Variants in GARS1 observed in about 807,000 individuals in gnomAD.
GARS1 encodes the protein glycyl-tRNA synthetase 1.
Under a neutral mutation model 86.4 loss-of-function variants are expected in GARS1, and 46 were observed. The ratio of observed to expected loss-of-function variants is 0.53; its 90% CI spans 0.42 to 0.68. The LOEUF (loss-of-function observed/expected upper bound fraction) is 0.68, where lower values mean the gene tolerates loss of function less well. GARS1 is among the 30% of genes least tolerant of loss of function. GARS1 has a pLI of 0.00. For synonymous variants in GARS1, 342 were observed against 329.8 expected (o/e 1.04, Z -0.40); for missense variants, 797 against 915.6 (o/e 0.87, Z 1.67).
chr7:30,614,117 T>C (rs2128134248), intron 8 of GARS1: 2 of 152,328 alleles, frequency 1.3e-5, no homozygotes, highest in Non-Finnish European at 1.5e-5. Flanking sequence ...GTAAATTTTG[T>C]ATGATTTGTA....
chr7:30,605,580 C>T (rs963918922), intron 6 of GARS1, among the ~76,000 whole-genome samples: 3 of 152,250 alleles, frequency 2.0e-5, no homozygotes, highest in East Asian at 1.9e-4. Flanking sequence ...TGGAGGGGCA[C>T]GAACATGGCT....
At chr7:30,594,833 T>G, upstream of GARS1, 3 of 1,168,614 alleles carry the variant, frequency 2.6e-6, no homozygotes, top group Non-Finnish European at 3.6e-6. Flanking sequence ...CGCCGCGTCG[T>G]TTACGCGGCG....
chr7:30,616,818 T>C (rs1782898120), intron 9 of GARS1, among the ~76,000 whole-genome samples: 1 of 152,234 alleles, frequency 6.6e-6, no homozygotes, highest in Admixed American at 6.5e-5. Context: ...ATATTGTTTT[T>C]AGTACTGTAG....
chr7:30,622,604 G>A (rs571457223), intron 12 of GARS1, 142 bp downstream of exon 12: 4 of 995,108 alleles, frequency 4.0e-6, no homozygotes, highest in Non-Finnish European at 6.2e-6. Flanking sequence ...TGTCTTTGCC[G>A]AGATTTTGGC....
At chr7:30,627,096 C>T (rs750442682) in intron 13 of GARS1, 12 of 462,838 alleles carry the variant, frequency 2.6e-5, no homozygotes, top group Middle Eastern at 3.3e-4. Flanking sequence ...ATTTGGAGCA[C>T]GTATGAAGGA....
chr7:30,628,492 T>G, intron 13 of GARS1, 68 bp from the exon 14 acceptor site: 15 of 1,208,642 alleles, frequency 1.2e-5, no homozygotes, highest in Non-Finnish European at 1.8e-5. Context: ...GTGAATTGTT[T>G]AGAGAGAATC....
In GARS1 at chr7:30,633,770, C is replaced by G. The variant is rs185294324; in HGVS notation, c.2130C>G (p.Ala710=). The G allele has an allele frequency of 6.2e-7, 1 of 1,613,924 alleles. No individual in the cohort carries two copies. The highest frequency in any genetic ancestry group is 1.3e-5 in the African/African-American group (1 of 74,998). Residue 710 remains alanine, a synonymous_variant, in exon 17 of 17, where the codon GCC becomes GCG. Coordinates refer to ENST00000389266, the MANE Select transcript of GARS1 (RefSeq NM_002047.4). ...TGCCCAGCATAGTCCAAGACCTAGC[C>G]AATGGCAACATCACATGGGCTGATG... ...SELPSIVQDL[A]NGNITWADVE...
At chr7:30,621,796 C>T in intron 11 of GARS1, 2 of 478,484 alleles carry the variant, frequency 4.2e-6, no homozygotes, top group Middle Eastern at 1.1e-3. Context: ...AAACGCACTT[C>T]ACACCTGCAC....
In GARS1 at chr7:30,600,919, G is replaced by GGTTCT. The variant is rs1224274294; in HGVS notation, c.428-139_428-135dup. On this transcript the variant is annotated intron_variant, in intron 3 of 16. Coordinates refer to ENST00000389266, the MANE Select transcript of GARS1 (RefSeq NM_002047.4). Reference sequence around the variant, plus strand: ...ACTTCCATCAGCTAGCTGAAAGTAAGGTTCTTCAGTATTGAGGGATTTGCA... The same window carrying GGTTCT: ...ACTTCCATCAGCTAGCTGAAAGTAAGGTTCTGTTCTTCAGTATTGAGGGATTTGCA... The GGTTCT allele has an allele frequency of 4.6e-5, 33 of 713,412 alleles. No individual in the cohort carries two copies. In the South Asian group the frequency reaches 5.4e-4, roughly 12 times the overall value. 44.2% of individuals were successfully genotyped at this position (713,412 alleles called of 1,614,324 possible). A position where few individuals can be genotyped will look rare whatever the true frequency, so the allele number is the denominator to read the frequency against.
intron 12 of GARS1, among the ~76,000 whole-genome samples, chr7:30,625,068 G>A (rs1273427871): frequency 6.6e-6 from 1 of 152,006 alleles, no homozygotes; most frequent in Admixed American, 6.6e-5. Context: ...TCAGCCTCCC[G>A]AGTAGCTGGG....
intron 13 of GARS1, among the ~76,000 whole-genome samples, chr7:30,626,660 T>G (rs2128135647): frequency 6.6e-6 from 1 of 152,316 alleles, no homozygotes; most frequent in African/African-American, 2.4e-5. Context: ...CCTCATTCCC[T>G]GTCTTCTTTG....
chr7:30,620,805 G>A (rs1782988467), intron 10 of GARS1, among the ~76,000 whole-genome samples: 1 of 152,152 alleles, frequency 6.6e-6, no homozygotes, highest in East Asian at 1.9e-4. Flanking sequence ...TGTTTAGTCA[G>A]CCATCTGATA....
At chr7:30,602,225 A>T (rs1187554885) in intron 4 of GARS1, among the ~76,000 whole-genome samples, 1 of 151,632 alleles carries the variant, frequency 6.6e-6, no homozygotes, top group Non-Finnish European at 1.5e-5. Flanking sequence ...AGCAGCTGGG[A>T]CTACAGGCAC....
chr7:30,614,012 C>T (rs1186652397), intron 8 of GARS1, among the ~76,000 whole-genome samples: 1 of 152,080 alleles, frequency 6.6e-6, no homozygotes, highest in Non-Finnish European at 1.5e-5. Context: ...TATTTTAGTT[C>T]TCTACAGTTT....
chr7:30,601,280 A>T lies in GARS1; in HGVS notation c.569+80A>T. 3.2e-6 allele frequency: 4 copies of T among 1,261,400 alleles called. No homozygotes were observed. The South Asian group carries it at 6.0e-5, about 19-fold the overall frequency. The allele number at this position is 1,261,400 out of a possible 1,614,324, so 78.1% of individuals were successfully genotyped here. A position where few individuals can be genotyped will look rare whatever the true frequency, so the allele number is the denominator to read the frequency against. On this transcript the variant is annotated intron_variant, in intron 4 of 16. Coordinates refer to ENST00000389266, the MANE Select transcript of GARS1 (RefSeq NM_002047.4). The stretch of plus-strand genomic sequence containing the variant: ...AATTATTTAATATACTTATCTAAAT[A>T]ACTTCCTGATTATAAAGAACTACTC...
chr7:30,623,760 T>G (rs1783067137), intron 12 of GARS1, among the ~76,000 whole-genome samples: 1 of 152,116 alleles, frequency 6.6e-6, no homozygotes, highest in South Asian at 2.1e-4. Context: ...GATGACCACA[T>G]GAAGACCCGT....
At chr7:30,600,748 T>C (rs893301292) in intron 3 of GARS1, among the ~76,000 whole-genome samples, 1 of 152,224 alleles carries the variant, frequency 6.6e-6, no homozygotes, top group African/African-American at 2.4e-5. Context: ...TGGTGAGAAA[T>C]TATTTTGTAA....
At chr7:30,598,377 CTTTTTTTT>C (rs1174085518) in intron 1 of GARS1, among the ~76,000 whole-genome samples, 7 of 99,612 alleles carry the variant, frequency 7.0e-5, no homozygotes, top group African/African-American at 2.3e-4. Context: ...TTGCATCATT[CTTTTTTTT>C]TTTTTTTTTT....
intron 13 of GARS1, among the ~76,000 whole-genome samples, chr7:30,627,681 G>A (rs889207259): frequency 1.3e-5 from 2 of 152,158 alleles, no homozygotes; most frequent in Non-Finnish European, 2.9e-5. Context: ...GCTGTTCTTT[G>A]AGCAAACTCT....
Sources: gnomAD v4.1 joint callset for allele counts (sites outside exome capture counted in the v4.1 genomes callset) on GRCh38, gnomAD v4.1.1 for gene constraint, MANE v1.5 for transcripts, NCBI Gene and HGNC (gene_info 2026-07-23, HGNC 2026-07-21) for gene names.